Variants in ACKR3 observed in about 807,000 individuals in gnomAD.
ACKR3 encodes atypical chemokine receptor 3, also known as C-X-C chemokine receptor type 7.
ACKR3 carries 6 observed loss-of-function variants against 22.4 expected under a neutral mutation model. The observed-to-expected ratio is 0.27, with a 90% CI of 0.15 to 0.53. The LOEUF (loss-of-function observed/expected upper bound fraction) is 0.53, where lower values mean the gene tolerates loss of function less well. ACKR3 is among the 20% of genes least tolerant of loss of function. The pLI, the probability that ACKR3 is intolerant of heterozygous loss-of-function variation, is 0.96. For missense variants in ACKR3, 396 were observed against 475.2 expected (o/e 0.83, Z 1.55); for synonymous variants, 209 against 205.2 (o/e 1.02, Z -0.16).
rs1446108443 is a variant in ACKR3, at chr2:236,577,380, C to G, written c.-26-3060C>G. Among the ~76,000 whole-genome samples, 1 of 152,192 alleles carries G rather than the reference C, an allele frequency of 6.6e-6. No homozygotes were observed. Among genetic ancestry groups the G allele is most frequent in the African/African-American group, 2.4e-5 (1 of 41,452 alleles). ...TGGTCCCTAAATCAAATTTTCGTCA[C>G]CCAAAGAGGCAAAGGTAGAAAGCCA... On this transcript the variant is annotated intron_variant, in intron 1 of 1. Coordinates refer to ENST00000272928, the MANE Select transcript of ACKR3 (RefSeq NM_020311.3). The surrounding 1 kb of genome is among the most constrained non-coding windows in gnomAD (Gnocchi z 5.6).
At chr2:236,539,003 T>C in the ACKR3 span, among the ~76,000 whole-genome samples, 1 of 152,208 alleles carries the variant, frequency 6.6e-6, no homozygotes, top group Non-Finnish European at 1.5e-5. Context: ...TAGGACTTCA[T>C]GTAGCTGGAA....
At position 236,574,562 on chromosome 2, in the gene ACKR3, A is replaced by T. The variant is rs1691369584; in HGVS notation, c.-27+4638A>T. 6.6e-6 allele frequency among the ~76,000 whole-genome samples: 1 copy of T among 152,078 alleles called. No individual in the cohort carries two copies. The highest frequency in any genetic ancestry group is 2.4e-5 in the African/African-American group (1 of 41,398). On this transcript the variant is annotated intron_variant, in intron 1 of 1. Transcript: ENST00000272928. This position sits in a 1 kb window ranked among gnomAD's most constrained non-coding sequence, Gnocchi z 5.6. Reference sequence around the variant, plus strand: ...TGCAAACATGTGGAAGGGAGTTTGGAGGGACACTGGCCAGGTGCCTGAACA... The same window carrying T: ...TGCAAACATGTGGAAGGGAGTTTGGTGGGACACTGGCCAGGTGCCTGAACA...
At chr2:236,549,661 T>C in the ACKR3 span, among the ~76,000 whole-genome samples, 4 of 152,284 alleles carry the variant, frequency 2.6e-5, no homozygotes, top group South Asian at 8.3e-4. The surrounding 1 kb of genome is among the most constrained non-coding windows in gnomAD (Gnocchi z 5.3). Context: ...AGTAGTAGGA[T>C]CATAGTTGGT....
chr2:236,545,021 C>CA, the ACKR3 span, among the ~76,000 whole-genome samples: 1 of 152,118 alleles, frequency 6.6e-6, no homozygotes, highest in African/African-American at 2.4e-5. This position sits in a 1 kb window ranked among gnomAD's most constrained non-coding sequence, Gnocchi z 5.3. Context: ...CAGGGCAGAG[C>CA]AGAGGTGGGG....
rs1347134361 is a variant in ACKR3, at chr2:236,580,996, G to C, written c.531G>C (p.Leu177=). Residue 177 remains leucine (L), a synonymous_variant, in exon 2 of 2, where the codon CTG becomes CTC. Coordinates refer to ENST00000272928, the MANE Select transcript of ACKR3 (RefSeq NM_020311.3). ...GGCTGCTGGCCTTCTGCGTGTCTCTGCCTGACACCTACTACCTGAAGACCG... is the reference window on the plus strand; with the variant it reads ...GGCTGCTGGCCTTCTGCGTGTCTCTCCCTGACACCTACTACCTGAAGACCG... The part of the protein sequence containing the change: ...LVWLLAFCVS[L]PDTYYLKTVT... 15 of 1,613,992 alleles carry C rather than the reference G, an allele frequency of 9.3e-6. No homozygotes were observed. In the East Asian group the frequency reaches 3.1e-4, roughly 34 times the overall value.
chr2:236,570,052 C>G (rs1383467206), intron 1 of ACKR3, 128 bp downstream of exon 1: 1 of 152,228 alleles, frequency 6.6e-6, no homozygotes, highest in Non-Finnish European at 1.5e-5. Context: ...GTCTGCGGGT[C>G]TGGTTTCTGA....
the ACKR3 span, among the ~76,000 whole-genome samples, chr2:236,543,329 G>A: frequency 6.6e-6 from 1 of 152,094 alleles, no homozygotes; most frequent in East Asian, 1.9e-4. Context: ...TATGGAGCAG[G>A]ATATAAAAGT....
intron 1 of ACKR3, among the ~76,000 whole-genome samples, chr2:236,572,464 G>C (rs941276386): frequency 2.0e-5 from 3 of 152,224 alleles, no homozygotes; most frequent in Non-Finnish European, 4.4e-5. Flanking sequence ...CAGCCAGATA[G>C]TAAGCATCTT....
At chr2:236,579,347 C>T (rs1426577615) in intron 1 of ACKR3, among the ~76,000 whole-genome samples, 1 of 152,214 alleles carries the variant, frequency 6.6e-6, no homozygotes, top group East Asian at 1.9e-4. Context: ...AACAGTGCAT[C>T]CTTGGGCTGA....
chr2:236,563,455 GAA>G (rs200874458), upstream of ACKR3, among the ~76,000 whole-genome samples: 1,737 of 152,322 alleles, frequency 0.011, 35 homozygotes, highest in African/African-American at 0.039. Context: ...AATAGGATAA[GAA>G]GAGAGTAACT....
the ACKR3 span, among the ~76,000 whole-genome samples, chr2:236,554,577 C>T: frequency 6.6e-6 from 1 of 152,172 alleles, no homozygotes; most frequent in Non-Finnish European, 1.5e-5. Context: ...CACTGCAGCA[C>T]TCCCTGGGTG....
chr2:236,550,973 A>G, the ACKR3 span, among the ~76,000 whole-genome samples: 1 of 152,034 alleles, frequency 6.6e-6, no homozygotes, highest in Non-Finnish European at 1.5e-5. The surrounding 1 kb of genome is among the most constrained non-coding windows in gnomAD (Gnocchi z 4.6). Context: ...CGTATTACCA[A>G]TCCTCCACCT....
chr2:236,542,229 A>G, the ACKR3 span, among the ~76,000 whole-genome samples: 1 of 152,202 alleles, frequency 6.6e-6, no homozygotes, highest in Non-Finnish European at 1.5e-5. Flanking sequence ...CAGTGACATC[A>G]TGTTGATATT....
intron 1 of ACKR3, among the ~76,000 whole-genome samples, 153 bp downstream of exon 1, chr2:236,570,077 C>G (rs1157367683): frequency 6.6e-6 from 1 of 152,220 alleles, no homozygotes; most frequent in Non-Finnish European, 1.5e-5. Flanking sequence ...CCAGGCTGCA[C>G]GCAGCTGCAT....
intron 1 of ACKR3, among the ~76,000 whole-genome samples, chr2:236,573,175 C>G (rs1691343354): frequency 6.6e-6 from 1 of 151,844 alleles, no homozygotes; most frequent in African/African-American, 2.4e-5. Context: ...CACAGACACA[C>G]AGACACACAC....
At chr2:236,556,239 G>A in the ACKR3 span, among the ~76,000 whole-genome samples, 3 of 152,302 alleles carry the variant, frequency 2.0e-5, no homozygotes, top group East Asian at 5.8e-4. Context: ...AGCAAGAAGA[G>A]GGTGCTTGTG....
chr2:236,556,831 G>C, the ACKR3 span, among the ~76,000 whole-genome samples: 1 of 152,204 alleles, frequency 6.6e-6, no homozygotes, highest in Non-Finnish European at 1.5e-5. Flanking sequence ...TGAGATCACA[G>C]TGCCCACCAC....
chr2:236,538,935 G>A, the ACKR3 span, among the ~76,000 whole-genome samples: 6 of 152,250 alleles, frequency 3.9e-5, no homozygotes, highest in African/African-American at 1.4e-4. Context: ...AAGTAGGCGC[G>A]GACAGGCTGT....
chr2:236,539,576 A>G, the ACKR3 span, among the ~76,000 whole-genome samples: 1 of 151,950 alleles, frequency 6.6e-6, no homozygotes, highest in East Asian at 1.9e-4. Context: ...GCCTCCCAAA[A>G]TGCTAGGATT....
Sources: allele counts gnomAD v4.1 joint callset (sites outside exome capture counted in the v4.1 genomes callset), GRCh38; gene constraint gnomAD v4.1.1; non-coding constraint Gnocchi (gnomAD v3.1); transcripts MANE v1.5; gene names NCBI Gene and HGNC (gene_info 2026-07-23, HGNC 2026-07-21).